The following LAMA3 variants were observed in gnomAD, a reference collection of about 807,000 sequenced individuals.
LAMA3 encodes laminin subunit alpha 3, also known as laminin subunit alpha-3.
LAMA3 carries 281 observed loss-of-function variants against 402.0 expected under a neutral mutation model. That is an observed-to-expected ratio of 0.70 (90% CI 0.63 to 0.77). The LOEUF (loss-of-function observed/expected upper bound fraction) is 0.77. Among genes scored for constraint, LAMA3 ranks in the 30% least tolerant of loss-of-function variants. LAMA3 has a pLI of 0.00. For synonymous variants in LAMA3, 1,431 were observed against 1,558.4 expected (o/e 0.92, Z 1.93); for missense variants, 3,840 against 4,215.5 (o/e 0.91, Z 2.47).
chr18:23,911,335 A>T (rs2081418094), intron 55 of LAMA3, among the ~76,000 whole-genome samples: 1 of 152,188 alleles, frequency 6.6e-6, no homozygotes, highest in African/African-American at 2.4e-5. Context: ...GTTAAATCTC[A>T]TTCTTTTGTA....
At chr18:23,881,442 C>A (rs1598990438) in intron 39 of LAMA3, among the ~76,000 whole-genome samples, 1 of 152,278 alleles carries the variant, frequency 6.6e-6, no homozygotes, top group East Asian at 1.9e-4. Context: ...GGGTAATTTT[C>A]ATCAAAGCAG....
Position 23,876,409 on chromosome 18 carries a change from T to A in LAMA3, c.5112+2T>A, listed in dbSNP as rs1555721815. The A allele has an allele frequency of 6.3e-7, 1 of 1,577,142 alleles. No individual in the cohort carries two copies. Among genetic ancestry groups the A allele is most frequent in the Non-Finnish European group, 8.7e-7 (1 of 1,146,332 alleles). ...CAGGATGGCTCAGGCATATGTGTTG[T>A]GAGTAAATTGACACTTTAATGCTAT... On this transcript the variant is annotated splice_donor_variant, in intron 39 of 74. Coordinates refer to ENST00000313654, the MANE Select transcript of LAMA3 (RefSeq NM_198129.4). LOFTEE classifies it high-confidence loss of function.
chr18:23,906,578 A>G (rs1212372401), intron 52 of LAMA3, among the ~76,000 whole-genome samples: 1 of 152,162 alleles, frequency 6.6e-6, no homozygotes, highest in Admixed American at 6.5e-5. Flanking sequence ...TTTCAGAGGG[A>G]TTAAATGATG....
chr18:23,881,859 A>T (rs2064905449), intron 39 of LAMA3, 77 bp from the exon 40 acceptor site: 1 of 923,878 alleles, frequency 1.1e-6, no homozygotes, highest in Admixed American at 2.0e-5. Flanking sequence ...TAGTCATGTG[A>T]CTAAGTAAGA....
At chr18:23,754,310 T>C (rs1421802434) in intron 6 of LAMA3, among the ~76,000 whole-genome samples, 2 of 152,258 alleles carry the variant, frequency 1.3e-5, no homozygotes, top group African/African-American at 4.8e-5. Flanking sequence ...TGAAATTCTA[T>C]ACCCGTTAAA....
chr18:23,872,740 C>A (rs1243705799), intron 38 of LAMA3: 1 of 420,712 alleles, frequency 2.4e-6, no homozygotes, highest in African/African-American at 2.0e-5. Context: ...GATTTCCACC[C>A]TCCTACCCAG....
At chr18:23,915,026 G>T (rs548584760) in intron 58 of LAMA3, among the ~76,000 whole-genome samples, 166 bp downstream of exon 58, 11 of 152,150 alleles carry the variant, frequency 7.2e-5, no homozygotes. Context: ...CTTCCTCTGT[G>T]CACTGTTCTA....
intron 42 of LAMA3, among the ~76,000 whole-genome samples, chr18:23,893,146 G>T (rs2080744374): frequency 6.6e-6 from 1 of 152,132 alleles, no homozygotes; most frequent in African/African-American, 2.4e-5. Flanking sequence ...ACAAAGTGTG[G>T]AATATTATTG....
intron 52 of LAMA3, among the ~76,000 whole-genome samples, chr18:23,907,202 A>G (rs1011901416): frequency 1.4e-4 from 22 of 152,248 alleles, no homozygotes; most frequent in African/African-American, 5.3e-4. Context: ...ACACTACATT[A>G]TGTGGTAGGA....
intron 39 of LAMA3, 55 bp downstream of exon 39, chr18:23,876,462 C>G: frequency 8.7e-7 from 1 of 1,152,380 alleles, no homozygotes; most frequent in Non-Finnish European, 1.3e-6. Flanking sequence ...CTCCTCCATT[C>G]CCCTGTACTA....
chr18:23,924,218 C>T (rs2081934778), intron 62 of LAMA3, among the ~76,000 whole-genome samples: 1 of 152,170 alleles, frequency 6.6e-6, no homozygotes, highest in Admixed American at 6.5e-5. Context: ...GTGGCGCCAT[C>T]TTGGCTCATT....
rs374252895 is a variant in LAMA3 at position 23,928,111 on chromosome 18, G to A, written c.8178-12G>A. On this transcript the variant is annotated splice_polypyrimidine_tract_variant and intron_variant, in intron 62 of 74. Transcript: ENST00000313654. ...TGATCCATCTCTTCCTTTTATCTGT[G>A]TTCGTAATCAGATTTAACATTTCTA... is the stretch of plus-strand genomic sequence containing the variant. 7 of 1,573,278 alleles carry A rather than the reference G, an allele frequency of 4.4e-6. No individual in the cohort carries two copies. Among genetic ancestry groups the A allele is most frequent in the Non-Finnish European group, 6.1e-6 (7 of 1,142,798 alleles).
At chr18:23,723,858 A>G (rs953678727) in intron 2 of LAMA3, among the ~76,000 whole-genome samples, 1 of 151,974 alleles carries the variant, frequency 6.6e-6, no homozygotes, top group African/African-American at 2.4e-5. Context: ...AATCCATGTT[A>G]CCTATACTAT....
chr18:23,850,587 A>G (rs1214231387), intron 32 of LAMA3, among the ~76,000 whole-genome samples: 2 of 152,220 alleles, frequency 1.3e-5, no homozygotes, highest in Non-Finnish European at 2.9e-5. Flanking sequence ...ATCACGGACT[A>G]TATTGTGTAA....
intron 9 of LAMA3, 127 bp downstream of exon 9, chr18:23,773,714 G>C: frequency 1.4e-6 from 1 of 707,568 alleles, no homozygotes; most frequent in South Asian, 1.5e-5. Context: ...AGTTGTGCTC[G>C]CTATGTGACC....
rs1692087279 is a variant in LAMA3 at position 23,857,982 on chromosome 18, C to G, written c.4275C>G (p.Leu1425=). The part of the protein sequence containing the change: ...GVCDPGTGAC[L]CKENVEGTEC... Reference sequence around the variant, plus strand: ...GTGACCCAGGGACCGGGGCTTGCCTCTGCAAGGTAAGAGAGATCGTGCAAT... The same window carrying G: ...GTGACCCAGGGACCGGGGCTTGCCTGTGCAAGGTAAGAGAGATCGTGCAAT... Residue 1425 remains leucine, a synonymous_variant, in exon 33 of 75, where the codon CTC becomes CTG. Coordinates refer to ENST00000313654, the MANE Select transcript of LAMA3 (RefSeq NM_198129.4). 6.2e-7 allele frequency: 1 copy of G among 1,614,032 alleles called. No homozygotes were observed. Among genetic ancestry groups the G allele is most frequent in the African/African-American group, 1.3e-5 (1 of 74,906 alleles).
intron 6 of LAMA3, among the ~76,000 whole-genome samples, chr18:23,754,433 A>G (rs1158101780): frequency 6.6e-6 from 1 of 152,196 alleles, no homozygotes; most frequent in East Asian, 1.9e-4. Context: ...ATACTGGGTT[A>G]TTAAATTTGT....
chr18:23,820,020 C>T (rs1267033586), intron 19 of LAMA3, 23 bp downstream of exon 19: 1 of 1,613,422 alleles, frequency 6.2e-7, no homozygotes, highest in African/African-American at 1.3e-5. Context: ...AAGAGAGCAG[C>T]TTCATGGCTG....
chr18:23,875,058 T>C (rs921269371), intron 38 of LAMA3, among the ~76,000 whole-genome samples: 1 of 152,132 alleles, frequency 6.6e-6, no homozygotes, highest in African/African-American at 2.4e-5. Flanking sequence ...AGAGATGAGG[T>C]TTCACCATGT....
Sources: gnomAD v4.1 joint callset for allele counts (sites outside exome capture counted in the v4.1 genomes callset) on GRCh38, gnomAD v4.1.1 for gene constraint, MANE v1.5 for transcripts, NCBI Gene and HGNC (gene_info 2026-07-23, HGNC 2026-07-21) for gene names.